The following KCNT2 variants were observed in gnomAD, a reference collection of about 807,000 sequenced individuals.
The protein encoded by KCNT2 is potassium channel subfamily T member 2.
KCNT2 carries 67 observed loss-of-function variants against 153.8 expected under a neutral mutation model. The ratio of observed to expected loss-of-function variants is 0.44; its 90% confidence interval spans 0.36 to 0.53. The LOEUF is 0.53. Among genes scored for constraint, KCNT2 ranks in the 20% least tolerant of loss-of-function variants. KCNT2 has a pLI of 0.00. For synonymous variants in KCNT2, 500 were observed against 458.8 expected (o/e 1.09, Z -1.15); for missense variants, 975 against 1,354.8 (o/e 0.72, Z 4.40).
chr1:196,462,014 A>G (rs980200462), intron 8 of KCNT2, among the ~76,000 whole-genome samples: 8 of 151,758 alleles, frequency 5.3e-5, no homozygotes, highest in Admixed American at 3.3e-4. Flanking sequence ...TCAAATTACA[A>G]TGTACATATT....
At chr1:196,380,157 T>G (rs1669353163) in intron 13 of KCNT2, among the ~76,000 whole-genome samples, 1 of 152,106 alleles carries the variant, frequency 6.6e-6, no homozygotes, top group African/African-American at 2.4e-5. Flanking sequence ...GCACAGAAAA[T>G]AGTGTGTAAA....
chr1:196,258,970 C>G (rs1234142024), intron 25 of KCNT2, among the ~76,000 whole-genome samples: 1 of 151,954 alleles, frequency 6.6e-6, no homozygotes, highest in Non-Finnish European at 1.5e-5. Context: ...ATTGCTTTTT[C>G]TAAAGACAGC....
rs143651010 is a variant in KCNT2, at chr1:196,594,073, T to C, written c.95+14142A>G. Among the ~76,000 whole-genome samples the C allele has an allele frequency of 7.2e-5, 11 of 152,212 alleles. No individual in the cohort carries two copies. In the East Asian group the frequency reaches 2.1e-3, roughly 29 times the overall value. ...TACCACTACCTATGTGAGTATGAGATGGAGTTGATCATTTACAACACCTCC... is the reference window on the plus strand; with the variant it reads ...TACCACTACCTATGTGAGTATGAGACGGAGTTGATCATTTACAACACCTCC... On this transcript the variant is annotated intron_variant, in intron 1 of 27. Coordinates refer to ENST00000294725, the MANE Select transcript of KCNT2 (RefSeq NM_198503.5).
At chr1:196,601,115 A>C (rs551919582) in intron 1 of KCNT2, among the ~76,000 whole-genome samples, 1 of 152,310 alleles carries the variant, frequency 6.6e-6, no homozygotes, top group South Asian at 2.1e-4. Flanking sequence ...AGTTCCTTGA[A>C]AATGCCTTGC....
At chr1:196,586,688 A>G (rs1237628057) in intron 1 of KCNT2, among the ~76,000 whole-genome samples, 2 of 151,178 alleles carry the variant, frequency 1.3e-5, no homozygotes, top group African/African-American at 4.9e-5. Flanking sequence ...AATAATTTAG[A>G]GGCTACTAAC....
chr1:196,386,711 T>C (rs1670019064), intron 13 of KCNT2, among the ~76,000 whole-genome samples: 1 of 152,144 alleles, frequency 6.6e-6, no homozygotes, highest in South Asian at 2.1e-4. Flanking sequence ...TAAATTGCTT[T>C]ATTTCTCATT....
At chr1:196,528,512 C>T (rs974300742) in intron 1 of KCNT2, among the ~76,000 whole-genome samples, 1 of 152,024 alleles carries the variant, frequency 6.6e-6, no homozygotes, top group Non-Finnish European at 1.5e-5. Context: ...ATATCTAAGC[C>T]AAAGAAGGTG....
intron 4 of KCNT2, among the ~76,000 whole-genome samples, chr1:196,479,583 T>G (rs1678832029): frequency 6.6e-6 from 1 of 152,106 alleles, no homozygotes; most frequent in Admixed American, 6.6e-5. Context: ...GTTTTAAAAT[T>G]TTTTTTAAAT....
chr1:196,484,195 T>G (rs1338452141), intron 3 of KCNT2, among the ~76,000 whole-genome samples: 2 of 152,180 alleles, frequency 1.3e-5, no homozygotes, highest in East Asian at 1.9e-4. Flanking sequence ...AAAATCTGCT[T>G]GACTTTCATA....
intron 14 of KCNT2, among the ~76,000 whole-genome samples, chr1:196,368,251 C>T (rs564762663): frequency 3.9e-5 from 6 of 152,146 alleles, no homozygotes; most frequent in Non-Finnish European, 7.3e-5. Context: ...ATGATTTTCC[C>T]TTTATCATGC....
intron 13 of KCNT2, among the ~76,000 whole-genome samples, chr1:196,396,445 A>G (rs1195408011): frequency 6.6e-6 from 1 of 151,626 alleles, no homozygotes; most frequent in Non-Finnish European, 1.5e-5. Flanking sequence ...GAGGGCCATT[A>G]TTTAAAGAAT....
At chr1:196,586,333 T>C (rs558585935) in intron 1 of KCNT2, among the ~76,000 whole-genome samples, 28 of 152,256 alleles carry the variant, frequency 1.8e-4, no homozygotes, top group African/African-American at 6.7e-4. Flanking sequence ...CTTCTTTTCT[T>C]GCTGCTAAAT....
intron 25 of KCNT2, among the ~76,000 whole-genome samples, chr1:196,269,615 G>A (rs1263504737): frequency 6.6e-6 from 1 of 152,142 alleles, no homozygotes; most frequent in African/African-American, 2.4e-5. Context: ...GGAATGAAAT[G>A]AGGTGTTGGA....
At chr1:196,435,153 A>ATATATG (rs1674532567) in intron 8 of KCNT2, among the ~76,000 whole-genome samples, 12 of 109,792 alleles carry the variant, frequency 1.1e-4, no homozygotes, top group Admixed American at 7.8e-4. Flanking sequence ...ATATATATAT[A>ATATATG]TATATATATA....
rs1572508146 is a variant in KCNT2 at position 196,453,567 on chromosome 1, T to C, written c.638+11726A>G. Among the ~76,000 whole-genome samples the C allele has an allele frequency of 2.0e-5, 3 of 152,112 alleles. No individual in the cohort carries two copies. The South Asian group carries it at 6.2e-4, about 31-fold the overall frequency. The stretch of plus-strand genomic sequence containing the variant: ...TGACTGGATACTGACTGAAACAGTC[T>C]GACTTCTCAGATTGTTGTTTTAATG... On this transcript the variant is annotated intron_variant, in intron 8 of 27. Coordinates refer to ENST00000294725, the MANE Select transcript of KCNT2 (RefSeq NM_198503.5).
At chr1:196,480,379 T>C (rs192591976) in intron 4 of KCNT2, among the ~76,000 whole-genome samples, 278 of 152,176 alleles carry the variant, frequency 1.8e-3, no homozygotes, top group African/African-American at 6.1e-3. Flanking sequence ...TGCATAACAG[T>C]GTAAGTAAAA....
At chr1:196,475,854 T>G (rs1678488335) in intron 5 of KCNT2, among the ~76,000 whole-genome samples, 1 of 152,174 alleles carries the variant, frequency 6.6e-6, no homozygotes, top group Non-Finnish European at 1.5e-5. Context: ...CCTATCTGTT[T>G]TCTCTGTAAC....
Position 196,228,002 on chromosome 1 carries a change from C to T in KCNT2, c.*222G>A. On this transcript the variant is annotated 3_prime_UTR_variant, in exon 28 of 28. Coordinates refer to ENST00000294725, the MANE Select transcript of KCNT2 (RefSeq NM_198503.5). ...TTTAAATTTTTGTATTTTAATTTAG[C>T]TTTTCAAATTTATTCCATTGAGGTC... The T allele has an allele frequency of 2.9e-6, 1 of 348,014 alleles. No homozygotes were observed. The highest frequency in any genetic ancestry group is 4.6e-5 in the East Asian group (1 of 21,514). The allele number at this position is 348,014 out of a possible 1,614,324, so 21.6% of individuals were successfully genotyped here.
At chr1:196,567,096 G>A (rs1006218001) in intron 1 of KCNT2, among the ~76,000 whole-genome samples, 1 of 152,004 alleles carries the variant, frequency 6.6e-6, no homozygotes, top group South Asian at 2.1e-4. Context: ...AACTTTACTT[G>A]ATGCATATTA....
Sources: allele counts gnomAD v4.1 joint callset (sites outside exome capture counted in the v4.1 genomes callset), GRCh38; gene constraint gnomAD v4.1.1; transcripts MANE v1.5; gene names NCBI Gene and HGNC (gene_info 2026-07-23, HGNC 2026-07-21).